Variants in ARID5B observed in about 807,000 individuals in gnomAD.
The protein encoded by ARID5B is AT-rich interaction domain 5B.
ARID5B carries 13 observed loss-of-function variants against 97.2 expected under a neutral mutation model. The ratio of observed to expected loss-of-function variants is 0.13; its 90% CI spans 0.09 to 0.21. The LOEUF is 0.21. Ranked by LOEUF, ARID5B falls within the 10% of genes least tolerant of loss-of-function variation. The pLI is 1.00. For missense variants in ARID5B, 1,210 were observed against 1,465.3 expected, an observed-to-expected ratio of 0.83 and a Z score of 2.84; for synonymous variants, 556 against 570.3, an observed-to-expected ratio of 0.97 and a Z score of 0.36.
At chr10:61,966,818 GT>G (rs1838551881) in intron 3 of ARID5B, among the ~76,000 whole-genome samples, 1 of 152,072 alleles carries the variant, frequency 6.6e-6, no homozygotes. Context: ...CCTTTGTCAT[GT>G]GCTTCAGTTA....
chr10:62,011,632 A>G (rs1230818081), intron 4 of ARID5B, among the ~76,000 whole-genome samples: 1 of 152,192 alleles, frequency 6.6e-6, no homozygotes, highest in Non-Finnish European at 1.5e-5. Context: ...CCATAAGAGG[A>G]ATGTCTTGCA....
At chr10:62,079,792 TA>T (rs1396417961) in intron 8 of ARID5B, among the ~76,000 whole-genome samples, 7 of 152,210 alleles carry the variant, frequency 4.6e-5, no homozygotes, top group Non-Finnish European at 1.0e-4. Flanking sequence ...GAGAGAGCAT[TA>T]AAGCCTTCAA....
chr10:62,041,606 C>A (rs1372620359), intron 4 of ARID5B, among the ~76,000 whole-genome samples: 1 of 152,116 alleles, frequency 6.6e-6, no homozygotes, highest in Non-Finnish European at 1.5e-5. Flanking sequence ...TAAAATGTAT[C>A]CCATGACATA....
chr10:61,981,929 T>A (rs1453173263), intron 3 of ARID5B, among the ~76,000 whole-genome samples: 1 of 152,252 alleles, frequency 6.6e-6, no homozygotes, highest in Non-Finnish European at 1.5e-5. Context: ...CCCACCAACC[T>A]GGGTTTCTGC....
intron 4 of ARID5B, among the ~76,000 whole-genome samples, chr10:62,005,109 C>T (rs1021795890): frequency 1.3e-5 from 2 of 152,190 alleles, no homozygotes; most frequent in African/African-American, 4.8e-5. Context: ...CATGTGTAGA[C>T]ACCATGAGCT....
chr10:62,089,321 GT>G (rs1046484783), intron 9 of ARID5B, among the ~76,000 whole-genome samples: 54 of 147,924 alleles, frequency 3.7e-4, no homozygotes, highest in South Asian at 8.7e-4. Context: ...AAAATTCAGG[GT>G]TTTTTTTTTA....
rs976742478 is a variant in ARID5B at position 62,093,401 on chromosome 10, A to C, written c.*371A>C. The stretch of plus-strand genomic sequence containing the variant: ...AAAAAAGAGGCAGGCATTTCAAAGG[A>C]AGGGGCAAGGAAGACTGGCAAACAG... On this transcript the variant is annotated 3_prime_UTR_variant, in exon 10 of 10. Coordinates refer to ENST00000279873, the MANE Select transcript of ARID5B (RefSeq NM_032199.3). The C allele has an allele frequency of 1.5e-5, 4 of 268,566 alleles. No homozygotes were observed. The highest frequency in any genetic ancestry group is 4.9e-5 in the Admixed American group (1 of 20,262). 16.6% of individuals were successfully genotyped at this position (268,566 alleles called of 1,614,324 possible).
intron 8 of ARID5B, among the ~76,000 whole-genome samples, chr10:62,076,026 C>A (rs1389991047): frequency 1.3e-5 from 2 of 152,172 alleles, no homozygotes; most frequent in Admixed American, 6.5e-5. Context: ...GGCTGGCAAA[C>A]AATGAGGAGG....
rs777427066 is a variant in ARID5B at position 62,095,730 on chromosome 10, G to A, written c.*2700G>A. On this transcript the variant is annotated 3_prime_UTR_variant, in exon 10 of 10. Coordinates refer to ENST00000279873, the MANE Select transcript of ARID5B (RefSeq NM_032199.3). Reference sequence around the variant, plus strand: ...GAATTCTTCATTGGCTGAGAACGACGTTTTAAAATGTCTTAAATAAGGCTT... The same window carrying A: ...GAATTCTTCATTGGCTGAGAACGACATTTTAAAATGTCTTAAATAAGGCTT... 3 of 231,904 alleles carry A rather than the reference G, an allele frequency of 1.3e-5. No homozygotes were observed. The highest frequency in any genetic ancestry group is 2.6e-5 in the Non-Finnish European group (3 of 117,010). The allele number at this position is 231,904 out of a possible 1,614,324, so 14.4% of individuals were successfully genotyped here.
chr10:62,067,233 C>T (rs762216214), intron 7 of ARID5B, among the ~76,000 whole-genome samples: 14 of 152,094 alleles, frequency 9.2e-5, no homozygotes, highest in Admixed American at 4.6e-4. Flanking sequence ...TACAGGCATG[C>T]GCCACCACCC....
At chr10:61,986,375 C>T (rs1486033933) in intron 3 of ARID5B, among the ~76,000 whole-genome samples, 1 of 152,142 alleles carries the variant, frequency 6.6e-6, no homozygotes, top group Non-Finnish European at 1.5e-5. Flanking sequence ...TTATACCATG[C>T]ATAATAAACT....
intron 4 of ARID5B, among the ~76,000 whole-genome samples, chr10:62,038,703 TA>T (rs1215649330): frequency 3.3e-5 from 5 of 152,166 alleles, no homozygotes; most frequent in African/African-American, 7.2e-5. Flanking sequence ...CTAAAACATA[TA>T]AAACAACATA....
At chr10:62,084,454 T>C (rs1330367718) in intron 8 of ARID5B, among the ~76,000 whole-genome samples, 1 of 152,146 alleles carries the variant, frequency 6.6e-6, no homozygotes, top group Non-Finnish European at 1.5e-5. Flanking sequence ...ATAATCAGGA[T>C]CCCCAATATT....
intron 7 of ARID5B, among the ~76,000 whole-genome samples, chr10:62,062,688 T>G (rs983778882): frequency 6.6e-6 from 1 of 151,180 alleles, no homozygotes. Context: ...GTAGTCTAAG[T>G]TGGAACTCAG....
Position 62,095,088 on chromosome 10 carries a change from C to T in ARID5B, c.*2058C>T. ...TCCATTTGCTTCAATTAATTATTTACCTTCCTGTGGAATAATATATATATA... is the reference window on the plus strand; with the variant it reads ...TCCATTTGCTTCAATTAATTATTTATCTTCCTGTGGAATAATATATATATA... On this transcript the variant is annotated 3_prime_UTR_variant, in exon 10 of 10. Coordinates refer to ENST00000279873, the MANE Select transcript of ARID5B (RefSeq NM_032199.3). The T allele has an allele frequency of 4.4e-6, 1 of 228,934 alleles. No individual in the cohort carries two copies. Among genetic ancestry groups the T allele is most frequent in the Non-Finnish European group, 8.7e-6 (1 of 115,276 alleles). The allele number at this position is 228,934 out of a possible 1,614,324, so 14.2% of individuals were successfully genotyped here. A position where few individuals can be genotyped will look rare whatever the true frequency, so the allele number is the denominator to read the frequency against.
intron 3 of ARID5B, among the ~76,000 whole-genome samples, chr10:61,972,693 G>A (rs929423533): frequency 1.1e-4 from 16 of 152,112 alleles, no homozygotes; most frequent in African/African-American, 3.6e-4. Context: ...TCCAGCTTTT[G>A]TATATAATAA....
chr10:62,027,597 G>T (rs1839439239), intron 4 of ARID5B, among the ~76,000 whole-genome samples: 1 of 152,130 alleles, frequency 6.6e-6, no homozygotes, highest in South Asian at 2.1e-4. Context: ...ACAGGTGTGA[G>T]CCATCGCCAC....
chr10:61,965,409 C>T (rs1400296739), intron 3 of ARID5B, among the ~76,000 whole-genome samples: 3 of 152,026 alleles, frequency 2.0e-5, no homozygotes, highest in Non-Finnish European at 4.4e-5. Flanking sequence ...TTTTAAACAT[C>T]CCATTCATGA....
intron 4 of ARID5B, among the ~76,000 whole-genome samples, chr10:62,032,240 G>T (rs1207856708): frequency 6.6e-6 from 1 of 152,158 alleles, no homozygotes; most frequent in Non-Finnish European, 1.5e-5. Context: ...GATTGCTTGA[G>T]CCCAGGAGTT....
Sources: gnomAD v4.1 joint callset for allele counts (sites outside exome capture counted in the v4.1 genomes callset) on GRCh38, gnomAD v4.1.1 for gene constraint, MANE v1.5 for transcripts, NCBI Gene and HGNC (gene_info 2026-07-23, HGNC 2026-07-21) for gene names.